The following MYO1H variants were observed in gnomAD, a reference collection of about 807,000 sequenced individuals.
MYO1H encodes unconventional myosin-Ih.
In MYO1H, 118 loss-of-function variants were observed where a neutral mutation model predicts 149.3. The ratio of observed to expected loss-of-function variants is 0.79; its 90% confidence interval spans 0.68 to 0.92. MYO1H has a LOEUF of 0.92. Among genes scored for constraint, MYO1H ranks in the 40% least tolerant of loss-of-function variants. The pLI is 0.00. For missense variants in MYO1H, 1,212 were observed against 1,280.7 expected (o/e 0.95, Z 0.82); for synonymous variants, 447 against 465.2 (o/e 0.96, Z 0.50).
the MYO1H span, among the ~76,000 whole-genome samples, chr12:109,329,572 C>CTA: frequency 6.6e-6 from 1 of 152,130 alleles, no homozygotes; most frequent in African/African-American, 2.4e-5. Flanking sequence ...ACTTCTTATG[C>CTA]TAGAAAATGA....
intron 15 of MYO1H, among the ~76,000 whole-genome samples, chr12:109,417,810 GT>G (rs1870990660): frequency 7.5e-6 from 1 of 133,286 alleles, no homozygotes; most frequent in African/African-American, 3.5e-5. Context: ...GGGTTTTTTT[GT>G]TTTGTTTTGT....
the MYO1H span, among the ~76,000 whole-genome samples, chr12:109,321,412 G>A: frequency 6.6e-6 from 1 of 151,860 alleles, no homozygotes; most frequent in East Asian, 1.9e-4. Flanking sequence ...AATTAGCCGG[G>A]TGTGGTGACG....
intron 8 of MYO1H, 38 bp from the exon 9 acceptor site, chr12:109,406,751 C>T (rs370198591): frequency 2.9e-4 from 457 of 1,583,842 alleles, no homozygotes; most frequent in Admixed American, 8.2e-4. Context: ...AGTAAAACTG[C>T]GTCACTGAAT....
chr12:109,446,699 G>C (rs1049654602), intron 31 of MYO1H, among the ~76,000 whole-genome samples: 2 of 152,204 alleles, frequency 1.3e-5, no homozygotes, highest in Non-Finnish European at 2.9e-5. Context: ...AGGAGGCGGA[G>C]GTTGCAGTGA....
intron 1 of MYO1H, among the ~76,000 whole-genome samples, chr12:109,387,556 G>A (rs1869401346): frequency 6.6e-6 from 1 of 152,168 alleles, no homozygotes; most frequent in South Asian, 2.1e-4. Flanking sequence ...GTCACTAGAG[G>A]GCACTGGAGG....
intron 13 of MYO1H, 27 bp from the exon 14 acceptor site, chr12:109,411,867 A>AT: frequency 6.5e-7 from 1 of 1,543,184 alleles, no homozygotes; most frequent in Non-Finnish European, 8.8e-7. Flanking sequence ...GGTGCTGTGG[A>AT]TTGAGGCTTC....
At chr12:109,440,905 C>T in intron 25 of MYO1H, 78 bp downstream of exon 25, 1 of 1,015,862 alleles carries the variant, frequency 9.8e-7, no homozygotes, top group African/African-American at 1.6e-5. Flanking sequence ...CCTCCTCATC[C>T]ACCATTTCAC....
chr12:109,419,776 G>C (rs1871090483), intron 15 of MYO1H, among the ~76,000 whole-genome samples: 1 of 151,488 alleles, frequency 6.6e-6, no homozygotes. Flanking sequence ...GCCCAGGCTA[G>C]TCTCAAACTC....
chr12:109,420,516 G>A (rs930419392), intron 15 of MYO1H, among the ~76,000 whole-genome samples: 2 of 152,104 alleles, frequency 1.3e-5, no homozygotes, highest in Non-Finnish European at 2.9e-5. Context: ...CCCGGAGGAG[G>A]AGGAATAGAG....
chr12:109,410,065 A>T, exon 12 of MYO1H: 1 of 1,471,602 alleles, frequency 6.8e-7, no homozygotes, highest in Non-Finnish European at 9.1e-7. Flanking sequence ...TGGAAGGCAT[A>T]GAGGTAAACA....
At position 109,410,884 on chromosome 12, in the gene MYO1H, G is replaced by A. The variant is rs1870633993; in HGVS notation, c.1410+116G>A. The stretch of plus-strand genomic sequence containing the variant: ...AGGCCAGGCACGGTGGCTCACGCCT[G>A]TAATTCCAACACTTTGGGAGGCCGA... On this transcript the variant is annotated intron_variant, in intron 13 of 31. Transcript: ENST00000310903. 5 of 690,052 alleles carry A rather than the reference G, an allele frequency of 7.2e-6. No individual in the cohort carries two copies. In the Admixed American group the frequency reaches 1.3e-4, roughly 18 times the overall value. 42.7% of individuals were successfully genotyped at this position (690,052 alleles called of 1,614,324 possible).
intron 2 of MYO1H, among the ~76,000 whole-genome samples, chr12:109,390,207 T>C (rs1869584560): frequency 6.6e-6 from 1 of 150,840 alleles, no homozygotes; most frequent in Non-Finnish European, 1.5e-5. Flanking sequence ...CGTAATCTTT[T>C]TTTCTTTTTT....
At chr12:109,422,589 G>A (rs1452935616) in intron 16 of MYO1H, among the ~76,000 whole-genome samples, 2 of 152,142 alleles carry the variant, frequency 1.3e-5, no homozygotes, top group Admixed American at 6.6e-5. Context: ...ACCAATCCAC[G>A]GAGAGGACAT....
At chr12:109,327,290 C>T in the MYO1H span, among the ~76,000 whole-genome samples, 12 of 151,544 alleles carry the variant, frequency 7.9e-5, no homozygotes, top group East Asian at 2.2e-3. Context: ...CACCACCATG[C>T]CTGGCTAATT....
chr12:109,349,487 A>ACCCC (rs1274262705), intron 1 of MYO1H, among the ~76,000 whole-genome samples: 3 of 101,728 alleles, frequency 2.9e-5, no homozygotes, highest in African/African-American at 1.4e-4. Flanking sequence ...ACATAGTGTG[A>ACCCC]CCCCCCCACC....
At chr12:109,438,556 T>A (rs570423181) in exon 23 of MYO1H, 1 of 1,613,428 alleles carries the variant, frequency 6.2e-7, no homozygotes, top group South Asian at 1.1e-5. Context: ...GGAAGCCCAC[T>A]GGCGTGGGGC....
chr12:109,380,246 GAAGA>G lies in MYO1H; in HGVS notation c.13-8433_13-8430del, dbSNP rs551695099. ...TTTACAGGAGGAGGATGAGAATGCA[GAAGA>G]AAGGGTAAGAACAGGAGCTAGGTCT... On this transcript the variant is annotated intron_variant, in intron 1 of 31. Transcript: ENST00000310903. Among the ~76,000 whole-genome samples, 376 of 152,176 alleles carry G rather than the reference GAAGA, an allele frequency of 2.5e-3. 2 individuals carry two copies. The highest frequency in any genetic ancestry group is 8.8e-3 in the African/African-American group (364 of 41,514).
At chr12:109,314,455 G>C in the MYO1H span, among the ~76,000 whole-genome samples, 1 of 152,116 alleles carries the variant, frequency 6.6e-6, no homozygotes, top group Non-Finnish European at 1.5e-5. Flanking sequence ...ATATGAATTA[G>C]AATATTTGCT....
intron 1 of MYO1H, among the ~76,000 whole-genome samples, chr12:109,366,957 G>A (rs1566019441): frequency 1.3e-5 from 2 of 152,222 alleles, no homozygotes; most frequent in Admixed American, 6.5e-5. Flanking sequence ...ATTTTCAGAT[G>A]TGAGATGCTC....
Sources: gnomAD v4.1 joint callset for allele counts (sites outside exome capture counted in the v4.1 genomes callset) on GRCh38, gnomAD v4.1.1 for gene constraint, MANE v1.5 for transcripts, NCBI Gene and HGNC (gene_info 2026-07-23, HGNC 2026-07-21) for gene names.